The following ZNF804B variants were observed in gnomAD, a reference collection of about 807,000 sequenced individuals.
ZNF804B encodes the protein zinc finger 804B.
ZNF804B carries 80 observed loss-of-function variants against 101.4 expected under a neutral mutation model. That is an observed-to-expected ratio of 0.79 (90% CI 0.66 to 0.95). ZNF804B has a LOEUF of 0.95. ZNF804B is among the 40% of genes least tolerant of loss of function. ZNF804B has a pLI of 0.00. For missense variants in ZNF804B, 1,673 were observed against 1,561.9 expected (o/e 1.07, Z -1.20); for synonymous variants, 622 against 558.8 (o/e 1.11, Z -1.59).
intron 1 of ZNF804B, among the ~76,000 whole-genome samples, chr7:88,861,781 A>G (rs1429309795): frequency 1.3e-5 from 2 of 152,210 alleles, no homozygotes; most frequent in East Asian, 3.8e-4. Context: ...CAGGAATCTG[A>G]GATATGTAGC....
intron 1 of ZNF804B, among the ~76,000 whole-genome samples, chr7:88,954,815 A>C (rs935919788): frequency 2.0e-5 from 3 of 151,716 alleles, no homozygotes; most frequent in African/African-American, 4.8e-5. Flanking sequence ...ACAGTGGGTA[A>C]TTCACTTATT....
chr7:89,240,861 A>C (rs185498380), intron 2 of ZNF804B, among the ~76,000 whole-genome samples: 1 of 152,188 alleles, frequency 6.6e-6, no homozygotes, highest in East Asian at 1.9e-4. Context: ...ATTATTCCAA[A>C]GTATGCTTGG....
At chr7:88,760,493 C>T (rs942355952) in intron 1 of ZNF804B, among the ~76,000 whole-genome samples, 1 of 152,134 alleles carries the variant, frequency 6.6e-6, no homozygotes, top group Non-Finnish European at 1.5e-5. Context: ...AATAATGCTA[C>T]TGTTACTTTG....
chr7:88,848,537 G>A (rs1319145546), intron 1 of ZNF804B, among the ~76,000 whole-genome samples: 5 of 151,624 alleles, frequency 3.3e-5, no homozygotes, highest in Non-Finnish European at 5.9e-5. Context: ...CCTTTTTGCA[G>A]ATGTAAAACC....
At chr7:88,913,420 G>C (rs1237282640) in intron 1 of ZNF804B, among the ~76,000 whole-genome samples, 1 of 152,060 alleles carries the variant, frequency 6.6e-6, no homozygotes, top group Admixed American at 6.6e-5. Context: ...TCGAGATGGA[G>C]TTTTGCTTTT....
chr7:89,137,455 G>T (rs772765552), intron 1 of ZNF804B, among the ~76,000 whole-genome samples: 59 of 152,064 alleles, frequency 3.9e-4, no homozygotes, highest in Non-Finnish European at 7.6e-4. Context: ...TTGAGAACTG[G>T]AGTTAAAGGT....
At chr7:89,316,468 C>T (rs1417975947) in intron 2 of ZNF804B, among the ~76,000 whole-genome samples, 1 of 151,920 alleles carries the variant, frequency 6.6e-6, no homozygotes, top group Non-Finnish European at 1.5e-5. Flanking sequence ...AACCCTTGGG[C>T]CACAGGCAAG....
In ZNF804B at chr7:89,333,551, A is replaced by G; in HGVS notation, c.569A>G (p.Gln190Arg). 7 of 1,613,522 alleles carry G rather than the reference A, an allele frequency of 4.3e-6. No individual in the cohort carries two copies. Among genetic ancestry groups the G allele is most frequent in the Non-Finnish European group, 5.9e-6 (7 of 1,179,654 alleles). ...KQRSTMPNRH[Q>R]LQSDRRCLFG... is the part of the protein sequence containing the mutation. ...CGGTCCACCATGCCAAATCGACACCAATTACAATCAGACAGGCGTTGTTTG... is the reference window on the plus strand; with the variant it reads ...CGGTCCACCATGCCAAATCGACACCGATTACAATCAGACAGGCGTTGTTTG... The change falls in exon 4 of 4, where the codon CAA becomes CGA. Residue 190 changes from glutamine (Q) to arginine (R), a missense_variant. Coordinates refer to ENST00000333190, the MANE Select transcript of ZNF804B (RefSeq NM_181646.5).
At chr7:89,174,720 T>C (rs1304044148) in intron 1 of ZNF804B, among the ~76,000 whole-genome samples, 2 of 151,980 alleles carry the variant, frequency 1.3e-5, no homozygotes. Context: ...ACCAACAGGG[T>C]ATGAGGGTTT....
chr7:88,905,059 G>C (rs538231201), intron 1 of ZNF804B, among the ~76,000 whole-genome samples: 15 of 152,172 alleles, frequency 9.9e-5, no homozygotes, highest in African/African-American at 3.4e-4. Flanking sequence ...ACTTTTGCCT[G>C]TTTAGTATAA....
chr7:89,122,516 C>A (rs754867532), intron 1 of ZNF804B, among the ~76,000 whole-genome samples: 24 of 152,170 alleles, frequency 1.6e-4, no homozygotes, highest in Non-Finnish European at 3.5e-4. Flanking sequence ...CATTTGTCTA[C>A]AGGCAGTGCA....
intron 1 of ZNF804B, among the ~76,000 whole-genome samples, chr7:88,921,421 C>G (rs945558982): frequency 6.6e-6 from 1 of 152,114 alleles, no homozygotes; most frequent in African/African-American, 2.4e-5. Flanking sequence ...AGAGGTTCCT[C>G]TGAGAAGTGA....
intron 1 of ZNF804B, among the ~76,000 whole-genome samples, chr7:88,812,942 T>A (rs1343824128): frequency 6.6e-6 from 1 of 151,360 alleles, no homozygotes; most frequent in African/African-American, 2.4e-5. Flanking sequence ...ATAACATTTC[T>A]ATTTTGCAAA....
At chr7:89,087,759 T>C (rs1377804042) in intron 1 of ZNF804B, among the ~76,000 whole-genome samples, 1 of 151,922 alleles carries the variant, frequency 6.6e-6, no homozygotes, top group Non-Finnish European at 1.5e-5. Context: ...TACTTTCTAC[T>C]TTCTTTCTTT....
chr7:89,205,965 G>A (rs1242166782), intron 1 of ZNF804B, among the ~76,000 whole-genome samples: 1 of 152,222 alleles, frequency 6.6e-6, no homozygotes, highest in African/African-American at 2.4e-5. Flanking sequence ...TACATCCTCT[G>A]AAATCTAGGC....
chr7:88,967,001 G>C (rs925418338), intron 1 of ZNF804B, among the ~76,000 whole-genome samples: 1 of 148,558 alleles, frequency 6.7e-6, no homozygotes, highest in African/African-American at 2.5e-5. Flanking sequence ...CCAGTCCACT[G>C]TGACCCCCAA....
chr7:88,814,458 A>ACG (rs1479120853), intron 1 of ZNF804B, among the ~76,000 whole-genome samples: 1 of 48,814 alleles, frequency 2.0e-5, no homozygotes, highest in Non-Finnish European at 3.6e-5. Flanking sequence ...ACACACACAC[A>ACG]CACACACACA....
At chr7:88,773,749 G>T (rs1790103249) in intron 1 of ZNF804B, among the ~76,000 whole-genome samples, 1 of 152,022 alleles carries the variant, frequency 6.6e-6, no homozygotes, top group Admixed American at 6.6e-5. Flanking sequence ...TACAATCATG[G>T]TGGAAGGTAA....
At chr7:89,175,364 T>C (rs1156719709) in intron 1 of ZNF804B, among the ~76,000 whole-genome samples, 1 of 152,128 alleles carries the variant, frequency 6.6e-6, no homozygotes, top group Non-Finnish European at 1.5e-5. Flanking sequence ...TTGGCACCTT[T>C]GTCGAAAATG....
Sources: gnomAD v4.1 joint callset for allele counts (sites outside exome capture counted in the v4.1 genomes callset) on GRCh38, gnomAD v4.1.1 for gene constraint, MANE v1.5 for transcripts, NCBI Gene and HGNC (gene_info 2026-07-23, HGNC 2026-07-21) for gene names.